CTNND2: variants seen among roughly 807,000 people sequenced by gnomAD.
The protein encoded by CTNND2 is catenin delta-2.
CTNND2 carries 22 observed loss-of-function variants against 144.4 expected under a neutral mutation model. The ratio of observed to expected loss-of-function variants is 0.15; its 90% CI spans 0.11 to 0.22. The LOEUF is 0.22. CTNND2 is among the 10% of genes least tolerant of loss of function. The pLI is 1.00. For missense variants in CTNND2, 1,353 were observed against 1,618.8 expected (o/e 0.84, Z 2.82); for synonymous variants, 751 against 695.6 (o/e 1.08, Z -1.25).
At chr5:11,470,980 A>ATATATATATATATATATATATTTTTT (rs1219093645) in intron 3 of CTNND2, among the ~76,000 whole-genome samples, 1 of 91,580 alleles carries the variant, frequency 1.1e-5, no homozygotes, top group African/African-American at 5.8e-5. Flanking sequence ...ATATATATAT[A>ATATATATATATATATATATATTTTTT]TTTTTTTTTT....
chr5:11,035,320 C>T (rs1031658652), intron 16 of CTNND2, among the ~76,000 whole-genome samples: 2 of 152,184 alleles, frequency 1.3e-5, no homozygotes, highest in Admixed American at 1.3e-4. Context: ...CTTGCCTTTT[C>T]CAGTTCCTAG....
At chr5:11,618,337 T>A (rs1236382090) in intron 2 of CTNND2, among the ~76,000 whole-genome samples, 1 of 152,166 alleles carries the variant, frequency 6.6e-6, no homozygotes, top group Non-Finnish European at 1.5e-5. Flanking sequence ...TCTGCAAAAA[T>A]ATGCGCAATT....
At chr5:11,368,907 G>T (rs866333119) in intron 7 of CTNND2, among the ~76,000 whole-genome samples, 4 of 152,194 alleles carry the variant, frequency 2.6e-5, no homozygotes, top group Admixed American at 1.3e-4. Context: ...AAAGTGCTCT[G>T]CAATTGATAA....
chr5:11,634,527 A>G (rs1781580887), intron 2 of CTNND2, among the ~76,000 whole-genome samples: 1 of 152,138 alleles, frequency 6.6e-6, no homozygotes, highest in African/African-American at 2.4e-5. Flanking sequence ...ACAAACCAGG[A>G]GTCTCTCATT....
At chr5:11,450,586 G>A (rs1765214674) in intron 3 of CTNND2, among the ~76,000 whole-genome samples, 2 of 152,100 alleles carry the variant, frequency 1.3e-5, no homozygotes, top group African/African-American at 4.8e-5. Context: ...TTTCTGGAAA[G>A]AGACTGATTT....
chr5:11,278,274 A>C (rs962175646), intron 9 of CTNND2, among the ~76,000 whole-genome samples: 4 of 152,130 alleles, frequency 2.6e-5, no homozygotes, highest in Admixed American at 6.5e-5. Flanking sequence ...AACTATGTTT[A>C]TCTCTCTCCT....
At chr5:11,705,506 T>C (rs1237158415) in intron 2 of CTNND2, among the ~76,000 whole-genome samples, 1 of 152,178 alleles carries the variant, frequency 6.6e-6, no homozygotes, top group East Asian at 1.9e-4. Flanking sequence ...AAATAATACC[T>C]GGGATGAGAC....
intron 1 of CTNND2, among the ~76,000 whole-genome samples, chr5:11,842,922 G>C: frequency 6.6e-6 from 1 of 152,136 alleles, no homozygotes; most frequent in Non-Finnish European, 1.5e-5. Flanking sequence ...TGCCGCTTTA[G>C]AGACAATCAG....
chr5:11,854,698 G>A (rs909267552), intron 1 of CTNND2, among the ~76,000 whole-genome samples: 5 of 152,088 alleles, frequency 3.3e-5, no homozygotes, highest in African/African-American at 4.8e-5. Context: ...CACAAGTATC[G>A]AACGTACAGT....
intron 3 of CTNND2, 46 bp downstream of exon 3, chr5:11,564,898 C>T (rs756869179): frequency 1.5e-6 from 2 of 1,299,876 alleles, no homozygotes; most frequent in South Asian, 2.5e-5. Context: ...GATTTACTTG[C>T]AGGGGCAACT....
intron 16 of CTNND2, among the ~76,000 whole-genome samples, chr5:11,024,140 G>C (rs542036922): frequency 8.5e-5 from 13 of 152,334 alleles, no homozygotes; most frequent in Admixed American, 8.5e-4. Context: ...AGCAGGAAGG[G>C]AACCTTGTGG....
chr5:11,447,679 C>T (rs1017538132), intron 3 of CTNND2, among the ~76,000 whole-genome samples: 1 of 152,086 alleles, frequency 6.6e-6, no homozygotes, highest in Non-Finnish European at 1.5e-5. Context: ...GATGGCCTGT[C>T]CCTGAGGGCG....
At chr5:11,040,841 T>C (rs1311328371) in intron 16 of CTNND2, among the ~76,000 whole-genome samples, 1 of 152,236 alleles carries the variant, frequency 6.6e-6, no homozygotes. Flanking sequence ...CATTGACTAA[T>C]TTTAGCAGAA....
intron 1 of CTNND2, among the ~76,000 whole-genome samples, chr5:11,854,329 T>C (rs1326047024): frequency 5.3e-5 from 8 of 152,218 alleles, no homozygotes; most frequent in Admixed American, 5.2e-4. Context: ...TTGTTTTCCA[T>C]GGCACTTATC....
intron 8 of CTNND2, among the ~76,000 whole-genome samples, chr5:11,361,006 C>A (rs78345150): frequency 1.3e-5 from 2 of 152,098 alleles, no homozygotes; most frequent in Admixed American, 6.5e-5. Flanking sequence ...AGACTGCCTA[C>A]GTATGAAAGT....
chr5:11,314,786 C>A (rs1045174955), intron 9 of CTNND2, among the ~76,000 whole-genome samples: 3 of 152,176 alleles, frequency 2.0e-5, no homozygotes, highest in Admixed American at 2.0e-4. Flanking sequence ...GCTCCCACTA[C>A]CCCTGAAGAA....
intron 1 of CTNND2, among the ~76,000 whole-genome samples, chr5:11,870,565 A>G (rs1352752677): frequency 6.6e-6 from 1 of 152,226 alleles, no homozygotes; most frequent in Non-Finnish European, 1.5e-5. Flanking sequence ...CCTTGGCTCA[A>G]TTCCCTATAA....
intron 2 of CTNND2, among the ~76,000 whole-genome samples, chr5:11,682,075 C>A (rs1019884008): frequency 6.6e-6 from 1 of 152,188 alleles, no homozygotes; most frequent in African/African-American, 2.4e-5. Flanking sequence ...CAGCAACTGG[C>A]CTATCTGTAA....
intron 1 of CTNND2, among the ~76,000 whole-genome samples, chr5:11,848,701 G>A (rs770895939): frequency 2.0e-5 from 3 of 152,134 alleles, no homozygotes; most frequent in Non-Finnish European, 4.4e-5. Flanking sequence ...AGAGCTTCTC[G>A]TAGAGAGCTT....
Sources: allele counts gnomAD v4.1 joint callset (sites outside exome capture counted in the v4.1 genomes callset), GRCh38; gene constraint gnomAD v4.1.1; transcripts MANE v1.5; gene names NCBI Gene and HGNC (gene_info 2026-07-23, HGNC 2026-07-21).